OPCML: variants seen among roughly 807,000 people sequenced by gnomAD.
OPCML encodes the protein opioid-binding protein/cell adhesion molecule.
Under a neutral mutation model 37.8 loss-of-function variants are expected in OPCML, and 13 were observed. The observed-to-expected ratio is 0.34, with a 90% CI of 0.22 to 0.55. The LOEUF is 0.55. Among genes scored for constraint, OPCML ranks in the 20% least tolerant of loss-of-function variants. The probability of loss-of-function intolerance (pLI) is 0.91; values close to 1 mark genes in which losing one functional copy is unlikely to be tolerated. For missense variants in OPCML, 341 were observed against 435.6 expected (o/e 0.78, Z 1.93); for synonymous variants, 176 against 168.8 (o/e 1.04, Z -0.33).
At chr11:132,615,929 T>C (rs1383289466) in intron 3 of OPCML, among the ~76,000 whole-genome samples, 1 of 152,166 alleles carries the variant, frequency 6.6e-6, no homozygotes, top group Non-Finnish European at 1.5e-5. Context: ...AAAGCCACAA[T>C]TGCGAGATGC....
chr11:133,198,065 A>T (rs1938609350), intron 1 of OPCML, among the ~76,000 whole-genome samples: 1 of 152,220 alleles, frequency 6.6e-6, no homozygotes, highest in African/African-American at 2.4e-5. Flanking sequence ...AGCAGAAAAT[A>T]AATGAAATGA....
At chr11:132,697,384 G>A (rs759870199) in intron 2 of OPCML, among the ~76,000 whole-genome samples, 2 of 152,156 alleles carry the variant, frequency 1.3e-5, no homozygotes, top group Non-Finnish European at 2.9e-5. Context: ...ACAGAACTTA[G>A]TCATCCTGCA....
intron 1 of OPCML, among the ~76,000 whole-genome samples, chr11:133,353,991 CA>C (rs1370824588): frequency 2.1e-5 from 2 of 96,262 alleles, no homozygotes; most frequent in Admixed American, 2.5e-4. Flanking sequence ...TCTTTTCCCA[CA>C]TTTTTTTTGC....
At chr11:133,394,487 A>G (rs1325615410) in intron 1 of OPCML, among the ~76,000 whole-genome samples, 1 of 152,204 alleles carries the variant, frequency 6.6e-6, no homozygotes, top group East Asian at 1.9e-4. Flanking sequence ...TGTACTGTCA[A>G]ATAATAGGTC....
intron 1 of OPCML, among the ~76,000 whole-genome samples, chr11:133,129,737 T>A (rs902542146): frequency 6.6e-6 from 1 of 151,996 alleles, no homozygotes. Context: ...AACCCATCTC[T>A]ACAACAATAA....
intron 2 of OPCML, among the ~76,000 whole-genome samples, chr11:132,716,184 AT>A (rs2135964119): frequency 6.6e-6 from 1 of 152,264 alleles, no homozygotes; most frequent in African/African-American, 2.4e-5. Context: ...CAGGCAGGTA[AT>A]GAGAGCAGAG....
At chr11:133,418,027 G>A in intron 1 of OPCML, 11 of 974,196 alleles carry the variant, frequency 1.1e-5, no homozygotes, top group Non-Finnish European at 1.3e-5. Flanking sequence ...GGAGAAGAAT[G>A]GGGAGAAGAT....
intron 2 of OPCML, among the ~76,000 whole-genome samples, chr11:132,811,400 T>C (rs1939331852): frequency 6.6e-6 from 1 of 152,108 alleles, no homozygotes; most frequent in Non-Finnish European, 1.5e-5. Context: ...ACTCAATCAA[T>C]AATTATTTCC....
chr11:133,281,761 T>C (rs1174215064), intron 1 of OPCML, among the ~76,000 whole-genome samples: 2 of 151,928 alleles, frequency 1.3e-5, no homozygotes, highest in African/African-American at 2.4e-5. Flanking sequence ...CCGGTAGAAA[T>C]ATGGACAGTA....
At chr11:133,386,352 T>A (rs1312072241) in intron 1 of OPCML, among the ~76,000 whole-genome samples, 1 of 152,216 alleles carries the variant, frequency 6.6e-6, no homozygotes, top group Non-Finnish European at 1.5e-5. Flanking sequence ...ATAAATCCAC[T>A]TCCTCTTTCA....
rs111307212 is a variant in OPCML at position 133,432,361 on chromosome 11, T to TAA, written c.61+99901_61+99902dup. 7.2e-5 allele frequency among the ~76,000 whole-genome samples: 11 copies of TAA among 152,020 alleles called. 1 individual carries two copies. Among genetic ancestry groups the TAA allele is most frequent in the African/African-American group, 2.7e-4 (11 of 41,376 alleles). On this transcript the variant is annotated intron_variant, in intron 1 of 7. Coordinates refer to ENST00000524381, the MANE Select transcript of OPCML (RefSeq NM_001012393.5). Reference sequence around the variant, plus strand: ...ATGTATTTTACTGTATCTATTTTTTTAAAAAAAACACACTTTTTTAGAAAT... The same window carrying TAA: ...ATGTATTTTACTGTATCTATTTTTTTAAAAAAAAAACACACTTTTTTAGAAAT...
At chr11:132,431,620 C>T (rs990038116) in intron 7 of OPCML, among the ~76,000 whole-genome samples, 3 of 152,218 alleles carry the variant, frequency 2.0e-5, no homozygotes, top group South Asian at 2.1e-4. Context: ...GTCACTCACA[C>T]GTTTCTAGTC....
chr11:132,515,684 C>T lies in OPCML; in HGVS notation c.505+13377G>A, dbSNP rs182823350. Among the ~76,000 whole-genome samples the T allele has an allele frequency of 3.2e-4, 49 of 152,298 alleles. No individual in the cohort carries two copies. In the East Asian group the frequency reaches 9.3e-3, roughly 29 times the overall value. On this transcript the variant is annotated intron_variant, in intron 4 of 7. Transcript: ENST00000524381. ...GTTAGTTGGTTTTCTTCCCCTTTTC[C>T]TCCTTCTTCTGAATCTCATACAGAG...
chr11:132,618,568 C>CAGA (rs565828472), intron 3 of OPCML, among the ~76,000 whole-genome samples: 8 of 152,126 alleles, frequency 5.3e-5, no homozygotes, highest in Non-Finnish European at 7.4e-5. Flanking sequence ...CAATCTAGTT[C>CAGA]AGAATATCAT....
intron 1 of OPCML, among the ~76,000 whole-genome samples, chr11:133,213,772 G>C (rs555685431): frequency 6.6e-6 from 1 of 152,260 alleles, no homozygotes; most frequent in East Asian, 1.9e-4. Flanking sequence ...CATGTTTAAT[G>C]TTTAAATGCC....
intron 1 of OPCML, among the ~76,000 whole-genome samples, chr11:133,328,733 A>T (rs980573162): frequency 6.6e-6 from 1 of 152,218 alleles, no homozygotes; most frequent in African/African-American, 2.4e-5. Flanking sequence ...ATCATACTGA[A>T]TGGGCAAAAA....
intron 1 of OPCML, among the ~76,000 whole-genome samples, chr11:133,521,326 T>C (rs1370154047): frequency 6.6e-6 from 1 of 152,190 alleles, no homozygotes; most frequent in African/African-American, 2.4e-5. Context: ...AGGGGCCACA[T>C]CCTGGGTCAG....
intron 4 of OPCML, among the ~76,000 whole-genome samples, chr11:132,512,441 G>A (rs2096270784): frequency 1.3e-5 from 2 of 151,924 alleles, no homozygotes; most frequent in South Asian, 4.1e-4. Context: ...TAGCCAAAAA[G>A]TAGAAACAAC....
At chr11:133,231,166 T>C (rs571714436) in intron 1 of OPCML, among the ~76,000 whole-genome samples, 1 of 152,286 alleles carries the variant, frequency 6.6e-6, no homozygotes, top group South Asian at 2.1e-4. Context: ...CAAATGGAGA[T>C]TTCATTGAAG....
Sources: gnomAD v4.1 joint callset for allele counts (sites outside exome capture counted in the v4.1 genomes callset) on GRCh38, gnomAD v4.1.1 for gene constraint, MANE v1.5 for transcripts, NCBI Gene and HGNC (gene_info 2026-07-23, HGNC 2026-07-21) for gene names.